PTPRG: variants seen among roughly 807,000 people sequenced by gnomAD.
PTPRG encodes receptor-type tyrosine-protein phosphatase gamma.
Under a neutral mutation model 165.3 loss-of-function variants are expected in PTPRG, and 102 were observed. The ratio of observed to expected loss-of-function variants is 0.62; its 90% CI spans 0.53 to 0.73. The LOEUF (loss-of-function observed/expected upper bound fraction) is 0.73. PTPRG is among the 30% of genes least tolerant of loss of function. The pLI, the probability that PTPRG is intolerant of heterozygous loss-of-function variation, is 0.00. For synonymous variants in PTPRG, 675 were observed against 669.5 expected (o/e 1.01, Z -0.13); for missense variants, 1,866 against 1,861.4 (o/e 1.00, Z -0.05).
chr3:61,963,369 A>G (rs1559716135), intron 2 of PTPRG, among the ~76,000 whole-genome samples: 1 of 152,184 alleles, frequency 6.6e-6, no homozygotes, highest in Non-Finnish European at 1.5e-5. Flanking sequence ...ACAAACCATG[A>G]ACTGCAGTAA....
Position 62,157,580 on chromosome 3 carries a change from G to C in PTPRG, c.840+356G>C, listed in dbSNP as rs141155174. 5.5e-3 allele frequency among the ~76,000 whole-genome samples: 838 copies of C among 152,236 alleles called. 4 individuals are homozygous for C. Among genetic ancestry groups the C allele is most frequent in the Middle Eastern group, 0.051 (15 of 294 alleles). ...AAATGTTGACCCATTTCATCTTCATGAACAACACTCTTGTGAGGTAGATGC... is the reference window on the plus strand; with the variant it reads ...AAATGTTGACCCATTTCATCTTCATCAACAACACTCTTGTGAGGTAGATGC... On this transcript the variant is annotated intron_variant, in intron 7 of 29. Coordinates refer to ENST00000474889, the MANE Select transcript of PTPRG (RefSeq NM_002841.4).
intron 4 of PTPRG, among the ~76,000 whole-genome samples, chr3:62,057,477 C>T (rs115306144): frequency 1.3e-3 from 195 of 152,304 alleles, no homozygotes; most frequent in African/African-American, 4.4e-3. Flanking sequence ...GCATCTTAGA[C>T]AGTGGTGTTA....
At chr3:62,054,956 A>G in intron 4 of PTPRG, among the ~76,000 whole-genome samples, 1 of 152,148 alleles carries the variant, frequency 6.6e-6, no homozygotes, top group East Asian at 1.9e-4. Context: ...GGGTCAGGGG[A>G]GCGATTGCTC....
At chr3:62,199,974 T>C (rs1377185426) in intron 10 of PTPRG, among the ~76,000 whole-genome samples, 1 of 152,168 alleles carries the variant, frequency 6.6e-6, no homozygotes. Flanking sequence ...CTTGAGGACG[T>C]TATGCTAAGT....
chr3:61,602,405 A>C (rs1333641888), intron 1 of PTPRG, among the ~76,000 whole-genome samples: 2 of 152,136 alleles, frequency 1.3e-5, no homozygotes, highest in Admixed American at 1.3e-4. Context: ...TCACGGTGGG[A>C]CCAGTCAAGT....
chr3:62,038,903 G>A (rs1700035373), intron 4 of PTPRG, among the ~76,000 whole-genome samples: 1 of 152,000 alleles, frequency 6.6e-6, no homozygotes, highest in African/African-American at 2.4e-5. Context: ...CAGGTATTAA[G>A]CCTAGTACTC....
chr3:61,578,865 A>G (rs1053579992), intron 1 of PTPRG, among the ~76,000 whole-genome samples: 1 of 152,176 alleles, frequency 6.6e-6, no homozygotes, highest in Non-Finnish European at 1.5e-5. Flanking sequence ...TTCCCAGGGA[A>G]TGTTTGGCAG....
chr3:62,109,768 C>T (rs963332367), intron 5 of PTPRG, among the ~76,000 whole-genome samples: 2 of 152,292 alleles, frequency 1.3e-5, no homozygotes, highest in East Asian at 3.9e-4. Flanking sequence ...AGCTGCAGCC[C>T]ACACCCTCCA....
rs189141153 is a variant in PTPRG, at chr3:62,284,864, A to G, written c.4055+1995A>G. Among the ~76,000 whole-genome samples the G allele has an allele frequency of 1.0e-3, 152 of 152,188 alleles. 2 individuals carry two copies. The highest frequency in any genetic ancestry group is 9.3e-3 in the Admixed American group (142 of 15,274). On this transcript the variant is annotated intron_variant, in intron 28 of 29. Coordinates refer to ENST00000474889, the MANE Select transcript of PTPRG (RefSeq NM_002841.4). ...GAAAATCTTTTACAATCTAGTGTAA[A>G]GTTTACATTTCCAGTTGTCATCCCA...
rs1237505228 is a variant in PTPRG at position 61,956,644 on chromosome 3, A to G, written c.191-32981A>G. ...GGCAAACAGAAGGGAAATAAGGAAA[A>G]TGAAGCAGGGCAAATGGGACTATTA... On this transcript the variant is annotated intron_variant, in intron 2 of 29. Transcript: ENST00000474889. Among the ~76,000 whole-genome samples the G allele has an allele frequency of 2.6e-5, 4 of 152,338 alleles. No homozygotes were observed. In the South Asian group the frequency reaches 6.2e-4, roughly 24 times the overall value.
intron 2 of PTPRG, among the ~76,000 whole-genome samples, chr3:61,751,525 G>T (rs2033429041): frequency 1.3e-5 from 2 of 152,234 alleles, no homozygotes; most frequent in African/African-American, 4.8e-5. Context: ...TGCTTTAGGG[G>T]TGCAGTGTGT....
chr3:62,142,751 C>T (rs1703977208), intron 6 of PTPRG, among the ~76,000 whole-genome samples: 1 of 152,182 alleles, frequency 6.6e-6, no homozygotes, highest in Non-Finnish European at 1.5e-5. Flanking sequence ...GAGCAAATAT[C>T]TCCTTGTAGA....
chr3:62,109,012 A>ATAGTTTCTTTTGCTGTACAGAAGCTCTT (rs1702573995), intron 5 of PTPRG, among the ~76,000 whole-genome samples: 2 of 151,668 alleles, frequency 1.3e-5, no homozygotes, highest in African/African-American at 2.4e-5. Flanking sequence ...CACCCTGATG[A>ATAGTTTCTTTTGCTGTACAGAAGCTCTT]TAGTTTCTTT....
intron 20 of PTPRG, among the ~76,000 whole-genome samples, chr3:62,269,914 A>G (rs1464125570): frequency 6.6e-6 from 1 of 152,174 alleles, no homozygotes; most frequent in East Asian, 1.9e-4. Context: ...TTTCCTATAC[A>G]TACATATCTA....
rs1432986691 is a variant in PTPRG at position 61,619,312 on chromosome 3, C to G, written c.85+56940C>G. ...AGTTCTATATACATACAATTTCTGCCTATTGATGAGTATGTACACCCACGA... is the reference window on the plus strand; with the variant it reads ...AGTTCTATATACATACAATTTCTGCGTATTGATGAGTATGTACACCCACGA... On this transcript the variant is annotated intron_variant, in intron 1 of 29. Transcript: ENST00000474889. Among the ~76,000 whole-genome samples, 5 of 152,200 alleles carry G rather than the reference C, an allele frequency of 3.3e-5. No individual in the cohort carries two copies. The East Asian group carries it at 9.7e-4, about 29-fold the overall frequency.
chr3:61,562,409 G>A, intron 1 of PTPRG, 37 bp downstream of exon 1: 3 of 1,598,768 alleles, frequency 1.9e-6, no homozygotes, highest in South Asian at 1.1e-5. Context: ...GGCCCCGGCC[G>A]GCGCGCGTTG....
chr3:61,839,992 G>A (rs773465449), intron 2 of PTPRG, among the ~76,000 whole-genome samples: 6 of 152,176 alleles, frequency 3.9e-5, no homozygotes, highest in African/African-American at 9.6e-5. Flanking sequence ...AAATGACTGC[G>A]TATTTCAGAA....
At chr3:61,622,077 C>G (rs149548357) in intron 1 of PTPRG, among the ~76,000 whole-genome samples, 3 of 152,186 alleles carry the variant, frequency 2.0e-5, no homozygotes, top group African/African-American at 2.4e-5. Context: ...GCGGGGCATA[C>G]ATCTTTCACT....
chr3:62,184,961 A>G (rs1024501047), intron 8 of PTPRG, among the ~76,000 whole-genome samples: 1 of 151,010 alleles, frequency 6.6e-6, no homozygotes, highest in Admixed American at 6.6e-5. Flanking sequence ...TGGAAATTAC[A>G]CTGACTTTCA....
Sources: gnomAD v4.1 joint callset for allele counts (sites outside exome capture counted in the v4.1 genomes callset) on GRCh38, gnomAD v4.1.1 for gene constraint, MANE v1.5 for transcripts, NCBI Gene and HGNC (gene_info 2026-07-23, HGNC 2026-07-21) for gene names.